Variants in ABCA13 observed in about 807,000 individuals in gnomAD.
The protein encoded by ABCA13 is ATP-binding cassette sub-family A member 13.
In ABCA13, 476 loss-of-function variants were observed where a neutral mutation model predicts 478.7. The ratio of observed to expected loss-of-function variants is 0.99; its 90% confidence interval spans 0.92 to 1.07. The LOEUF is 1.07. Among genes scored for constraint, ABCA13 ranks in the 50% least tolerant of loss-of-function variants. The pLI, the probability that ABCA13 is intolerant of heterozygous loss-of-function variation, is 0.00. For missense variants in ABCA13, 6,060 were observed against 5,910.6 expected, an observed-to-expected ratio of 1.03 and a Z score of -0.83; for synonymous variants, 2,252 against 2,158.9, an observed-to-expected ratio of 1.04 and a Z score of -1.20.
chr7:48,441,819 G>A (rs1823634398), intron 42 of ABCA13, among the ~76,000 whole-genome samples: 1 of 152,168 alleles, frequency 6.6e-6, no homozygotes, highest in South Asian at 2.1e-4. Flanking sequence ...AGTGTTGAGA[G>A]CCCTGTTACT....
rs75514934 is a variant in ABCA13 at position 48,398,335 on chromosome 7, A to G, written c.11874-5348A>G. 9.6e-3 allele frequency among the ~76,000 whole-genome samples: 1,463 copies of G among 152,318 alleles called. 20 individuals are homozygous for G. The highest frequency in any genetic ancestry group is 0.034 in the African/African-American group (1,398 of 41,568). Reference sequence around the variant, plus strand: ...TTTTTTTGGGTGCCAGGCAACCTTAATGATTATCAGCGCACAGAGTGTTAC... The same window carrying G: ...TTTTTTTGGGTGCCAGGCAACCTTAGTGATTATCAGCGCACAGAGTGTTAC... On this transcript the variant is annotated intron_variant, in intron 38 of 61. Transcript: ENST00000435803.
intron 29 of ABCA13, among the ~76,000 whole-genome samples, chr7:48,340,140 CTT>C (rs1806909238): frequency 6.6e-6 from 1 of 151,954 alleles, no homozygotes; most frequent in Non-Finnish European, 1.5e-5. Flanking sequence ...GAGTTTTGCT[CTT>C]GTCATCCAGG....
intron 3 of ABCA13, among the ~76,000 whole-genome samples, chr7:48,208,195 C>A (rs1485143181): frequency 6.6e-6 from 1 of 152,020 alleles, no homozygotes; most frequent in Non-Finnish European, 1.5e-5. Flanking sequence ...GTTACTAAAG[C>A]TTTGTAGTAT....
Position 48,275,031 on chromosome 7 carries a change from G to T in ABCA13, c.5365G>T (p.Glu1789Ter). The stretch of plus-strand genomic sequence containing the variant: ...CATAACCATTTCAAATATCACCAAG[G>T]AAGACTTCGCAATTGTGATAAAAAT... ...HGITISNITK[E>*]DFAIVIKILL... Residue 1789 changes from glutamate (E) to a stop codon, truncating the protein, a stop_gained, in exon 17 of 62, where the codon GAA becomes TAA. Coordinates refer to ENST00000435803, the MANE Select transcript of ABCA13 (RefSeq NM_152701.5). LOFTEE classifies it high-confidence loss of function. The T allele has an allele frequency of 6.2e-7, 1 of 1,613,834 alleles. No individual in the cohort carries two copies. The highest frequency in any genetic ancestry group is 8.5e-7 in the Non-Finnish European group (1 of 1,179,828).
intron 38 of ABCA13, among the ~76,000 whole-genome samples, chr7:48,403,116 C>T (rs992215093): frequency 4.6e-5 from 7 of 152,208 alleles, no homozygotes; most frequent in Admixed American, 1.3e-4. Flanking sequence ...ACTGAAAGAT[C>T]CCTGCAACGG....
At chr7:48,375,740 G>A (rs569483127) in intron 34 of ABCA13, among the ~76,000 whole-genome samples, 169 of 152,114 alleles carry the variant, frequency 1.1e-3, no homozygotes, top group African/African-American at 3.9e-3. Context: ...TCAATAAGAT[G>A]TATTAAAATG....
chr7:48,308,462 G>A (rs1297099984), intron 23 of ABCA13, among the ~76,000 whole-genome samples: 1 of 152,066 alleles, frequency 6.6e-6, no homozygotes, highest in Non-Finnish European at 1.5e-5. Flanking sequence ...ATTATGTACT[G>A]TACATAATTG....
intron 58 of ABCA13, among the ~76,000 whole-genome samples, chr7:48,595,953 C>G (rs558671423): frequency 6.6e-6 from 1 of 152,286 alleles, no homozygotes; most frequent in African/African-American, 2.4e-5. Context: ...TACCCCAGCT[C>G]TTGTTACCAG....
At chr7:48,369,445 T>C (rs990378206) in intron 32 of ABCA13, among the ~76,000 whole-genome samples, 2 of 152,202 alleles carry the variant, frequency 1.3e-5, no homozygotes, top group African/African-American at 4.8e-5. Flanking sequence ...TTTTGGGTTC[T>C]TGGTCATGAA....
chr7:48,264,195 C>G (rs933550186), intron 15 of ABCA13, among the ~76,000 whole-genome samples: 5 of 151,908 alleles, frequency 3.3e-5, no homozygotes, highest in Non-Finnish European at 7.4e-5. Flanking sequence ...TCAATCCATT[C>G]ACACAATTCA....
chr7:48,548,858 C>T (rs992279561), intron 55 of ABCA13, among the ~76,000 whole-genome samples: 3 of 151,568 alleles, frequency 2.0e-5, no homozygotes, highest in African/African-American at 7.3e-5. Context: ...ACCTGGGGAG[C>T]TCTAATCCTG....
intron 27 of ABCA13, among the ~76,000 whole-genome samples, chr7:48,331,899 C>T (rs1268314292): frequency 6.6e-6 from 1 of 152,192 alleles, no homozygotes; most frequent in African/African-American, 2.4e-5. Context: ...TCCTACACCA[C>T]TCCCCCGCAA....
chr7:48,299,501 G>A (rs1306024320), intron 23 of ABCA13, among the ~76,000 whole-genome samples: 1 of 152,210 alleles, frequency 6.6e-6, no homozygotes, highest in African/African-American at 2.4e-5. Flanking sequence ...AAAGCAGGGG[G>A]CAGTGCTGAA....
At chr7:48,398,473 G>C (rs1047309960) in intron 38 of ABCA13, among the ~76,000 whole-genome samples, 6 of 152,162 alleles carry the variant, frequency 3.9e-5, no homozygotes, top group African/African-American at 7.2e-5. Context: ...GATCCAACAT[G>C]CTCCCTATTA....
At chr7:48,389,560 A>G (rs1333480129) in intron 37 of ABCA13, among the ~76,000 whole-genome samples, 2 of 152,220 alleles carry the variant, frequency 1.3e-5, no homozygotes, top group South Asian at 4.1e-4. Flanking sequence ...CGTTTGTCCT[A>G]CTAAGTATCA....
intron 55 of ABCA13, among the ~76,000 whole-genome samples, chr7:48,539,644 T>TTGTGCTTAGTTA (rs1246917654): frequency 6.6e-6 from 1 of 152,226 alleles, no homozygotes; most frequent in East Asian, 1.9e-4. Context: ...AAGTGTCACT[T>TTGTGCTTAGTTA]TGTGCTTAGT....
rs752336001 is a variant in ABCA13 at position 48,275,237 on chromosome 7, T to G, written c.5571T>G (p.Ser1857Arg). The change falls in exon 17 of 62, where the codon AGT becomes AGG. Residue 1857 changes from serine (S) to arginine (R), a missense_variant. Transcript: ENST00000435803. Reference protein sequence around the residue: ...MSSSFYGKVASILDHFHLSPQ... With the variant: ...MSSSFYGKVARILDHFHLSPQ... ...CTTCCTTTTATGGCAAAGTGGCCAG[T>G]ATACTTGATCATTTCCACCTGTCTC... 3 of 1,613,826 alleles carry G rather than the reference T, an allele frequency of 1.9e-6. No homozygotes were observed. The Admixed American group carries it at 5.0e-5, about 27-fold the overall frequency.
chr7:48,623,995 A>G (rs955048071), intron 59 of ABCA13, among the ~76,000 whole-genome samples: 2 of 151,842 alleles, frequency 1.3e-5, no homozygotes, highest in Non-Finnish European at 2.9e-5. Context: ...TAAGATTGTC[A>G]TATGCTATGA....
intron 53 of ABCA13, among the ~76,000 whole-genome samples, chr7:48,522,100 C>T (rs1046692242): frequency 8.5e-5 from 13 of 152,148 alleles, no homozygotes; most frequent in Non-Finnish European, 1.5e-4. Flanking sequence ...GTTTCTGTTA[C>T]GCCCTCTTTC....
Sources: gnomAD v4.1 joint callset for allele counts (sites outside exome capture counted in the v4.1 genomes callset) on GRCh38, gnomAD v4.1.1 for gene constraint, MANE v1.5 for transcripts, NCBI Gene and HGNC (gene_info 2026-07-23, HGNC 2026-07-21) for gene names.